ZPBP: variants seen among roughly 807,000 people sequenced by gnomAD.
ZPBP encodes the protein zona pellucida-binding protein 1.
In ZPBP, 26 loss-of-function variants were observed where a neutral mutation model predicts 44.8. The observed-to-expected ratio is 0.58, with a 90% confidence interval of 0.43 to 0.81. ZPBP has a LOEUF of 0.81. ZPBP is among the 30% of genes least tolerant of loss of function. The pLI, the probability that ZPBP is intolerant of heterozygous loss-of-function variation, is 0.00. For missense variants in ZPBP, 409 were observed against 434.0 expected (o/e 0.94, Z 0.51); for synonymous variants, 174 against 153.2 (o/e 1.14, Z -1.00).
At chr7:49,911,956 CTGT>C in intron 1 of ZPBP, 2 of 1,162,348 alleles carry the variant, frequency 1.7e-6, no homozygotes, top group Non-Finnish European at 2.3e-6. Context: ...CATATATATA[CTGT>C]AATGCTTAAT....
At chr7:49,940,865 C>T in intron 7 of ZPBP, 2 of 848,920 alleles carry the variant, frequency 2.4e-6, no homozygotes, top group Non-Finnish European at 2.8e-6. Flanking sequence ...TCCTGAAAAC[C>T]ACAAGGAGAC....
At chr7:49,904,973 A>T (rs1304224026) in intron 1 of ZPBP, among the ~76,000 whole-genome samples, 1 of 151,966 alleles carries the variant, frequency 6.6e-6, no homozygotes, top group East Asian at 1.9e-4. Flanking sequence ...TGACCTCATA[A>T]TCTACCCACC....
intron 2 of ZPBP, among the ~76,000 whole-genome samples, chr7:49,899,688 A>C (rs1792602550): frequency 6.6e-6 from 1 of 151,976 alleles, no homozygotes; most frequent in Admixed American, 6.6e-5. Flanking sequence ...ATCTGATAGA[A>C]CTGCAAGAAG....
At chr7:50,082,816 T>C (rs1028876639) in intron 2 of ZPBP, among the ~76,000 whole-genome samples, 1 of 151,934 alleles carries the variant, frequency 6.6e-6, no homozygotes, top group African/African-American at 2.4e-5. Flanking sequence ...TTGTTCTATA[T>C]TGATTGAGGT....
intron 4 of ZPBP, among the ~76,000 whole-genome samples, chr7:50,042,991 T>C (rs1800168498): frequency 1.3e-5 from 2 of 152,214 alleles, no homozygotes; most frequent in African/African-American, 2.4e-5. Flanking sequence ...GTGATGGCCA[T>C]GACACCCACG....
At chr7:49,881,305 C>G (rs1446473713) in intron 2 of ZPBP, among the ~76,000 whole-genome samples, 2 of 152,076 alleles carry the variant, frequency 1.3e-5, no homozygotes, top group African/African-American at 4.8e-5. Context: ...TGCTGCTGGC[C>G]TATAAGAGAC....
At chr7:49,998,639 C>T (rs150901001) in intron 6 of ZPBP, among the ~76,000 whole-genome samples, 1 of 152,030 alleles carries the variant, frequency 6.6e-6, no homozygotes, top group Non-Finnish European at 1.5e-5. Context: ...ATATGAGAAT[C>T]AGAGTAATTA....
At chr7:50,091,556 A>C (rs552551459) in intron 1 of ZPBP, among the ~76,000 whole-genome samples, 1 of 152,092 alleles carries the variant, frequency 6.6e-6, no homozygotes, top group Admixed American at 6.5e-5. Flanking sequence ...TATCAGAAAA[A>C]CCCTTGTAGA....
At chr7:49,859,880 A>C (rs1459660307) in intron 2 of ZPBP, among the ~76,000 whole-genome samples, 2 of 152,304 alleles carry the variant, frequency 1.3e-5, no homozygotes, top group East Asian at 3.9e-4. Flanking sequence ...CAACACAGGG[A>C]AAACTAAGAA....
intron 3 of ZPBP, among the ~76,000 whole-genome samples, chr7:50,063,613 A>G (rs1228445132): frequency 6.6e-6 from 1 of 152,098 alleles, no homozygotes; most frequent in East Asian, 1.9e-4. Context: ...TTTTTTTTAA[A>G]CAAAGAATCC....
In ZPBP at chr7:49,983,436, A is replaced by G. The variant is rs752481031; in HGVS notation, c.867T>C (p.Tyr289=). ...RRAEQLPQIY[Y]IEGTLQMVWI... ...AAACCATTTGGAGAGTACCTTCAATATAGTATATTTGAGGTAATTGTTCTG... is the reference window on the plus strand; with the variant it reads ...AAACCATTTGGAGAGTACCTTCAATGTAGTATATTTGAGGTAATTGTTCTG... The change falls in exon 7 of 8, where the codon TAT becomes TAC. Residue 289 remains tyrosine, a synonymous_variant. Transcript: ENST00000046087. 37 of 1,611,462 alleles carry G rather than the reference A, an allele frequency of 2.3e-5. No homozygotes were observed. Among genetic ancestry groups the G allele is most frequent in the Middle Eastern group, 3.3e-4 (2 of 6,052 alleles).
At chr7:50,001,247 C>A (rs1389305554) in intron 6 of ZPBP, among the ~76,000 whole-genome samples, 1 of 152,128 alleles carries the variant, frequency 6.6e-6, no homozygotes, top group Non-Finnish European at 1.5e-5. Flanking sequence ...GGAAGTTCTA[C>A]AAAATTTTAC....
Position 50,001,481 on chromosome 7 carries a change from C to T in ZPBP, c.783+16759G>A, listed in dbSNP as rs563074934. On this transcript the variant is annotated intron_variant, in intron 6 of 7. Coordinates refer to ENST00000046087, the MANE Select transcript of ZPBP (RefSeq NM_007009.3). ...GTGGGGGAAAAAAACTTAAGAAAAC[C>T]TGTTCCTCTTTTTTGTATCTGGTAA... Among the ~76,000 whole-genome samples, 34 of 152,232 alleles carry T rather than the reference C, an allele frequency of 2.2e-4. 1 individual carries two copies. Among genetic ancestry groups the T allele is most frequent in the African/African-American group, 7.2e-4 (30 of 41,534 alleles).
At chr7:50,004,790 C>T (rs1798233032) in intron 6 of ZPBP, among the ~76,000 whole-genome samples, 1 of 151,826 alleles carries the variant, frequency 6.6e-6, no homozygotes, top group Non-Finnish European at 1.5e-5. Context: ...ATGAATAGAA[C>T]CTAAGCGATA....
chr7:49,855,411 T>C (rs1262729403), intron 2 of ZPBP, among the ~76,000 whole-genome samples: 1 of 152,158 alleles, frequency 6.6e-6, no homozygotes, highest in African/African-American at 2.4e-5. Flanking sequence ...TCAGCATCTC[T>C]GGGTGGGAGT....
chr7:50,082,117 G>A (rs762511063), intron 2 of ZPBP, among the ~76,000 whole-genome samples: 2 of 151,916 alleles, frequency 1.3e-5, no homozygotes, highest in South Asian at 4.1e-4. Context: ...ATGTATGTGT[G>A]TGTACATGTA....
At chr7:50,022,525 A>C (rs1444544860) in intron 5 of ZPBP, among the ~76,000 whole-genome samples, 1 of 152,070 alleles carries the variant, frequency 6.6e-6, no homozygotes, top group East Asian at 1.9e-4. Flanking sequence ...AAATATATTA[A>C]TAAAATGAAA....
At chr7:49,966,063 G>C (rs1022543353) in intron 7 of ZPBP, among the ~76,000 whole-genome samples, 1 of 151,932 alleles carries the variant, frequency 6.6e-6, no homozygotes, top group African/African-American at 2.4e-5. Context: ...GATTTAACCA[G>C]GAGCATATAA....
chr7:49,902,986 G>A (rs1583797495), intron 1 of ZPBP, among the ~76,000 whole-genome samples: 1 of 151,542 alleles, frequency 6.6e-6, no homozygotes, highest in Non-Finnish European at 1.5e-5. Context: ...CACAGATGAA[G>A]ATATAAAATG....
Sources: gnomAD v4.1 joint callset for allele counts (sites outside exome capture counted in the v4.1 genomes callset) on GRCh38, gnomAD v4.1.1 for gene constraint, MANE v1.5 for transcripts, NCBI Gene and HGNC (gene_info 2026-07-23, HGNC 2026-07-21) for gene names.